The following BBS9 variants were observed in gnomAD, a reference collection of about 807,000 sequenced individuals.
The protein encoded by BBS9 is protein PTHB1.
Under a neutral mutation model 117.7 loss-of-function variants are expected in BBS9, and 89 were observed. That is an observed-to-expected ratio of 0.76 (90% CI 0.64 to 0.90). BBS9 has a LOEUF of 0.90. BBS9 is among the 40% of genes least tolerant of loss of function. The probability of loss-of-function intolerance (pLI) is 0.00; values close to 1 mark genes in which losing one functional copy is unlikely to be tolerated. For missense variants in BBS9, 982 were observed against 1,042.2 expected (o/e 0.94, Z 0.80); for synonymous variants, 379 against 370.9 (o/e 1.02, Z -0.25).
intron 10 of BBS9, among the ~76,000 whole-genome samples, chr7:33,339,847 C>T (rs562658788): frequency 1.3e-5 from 2 of 152,060 alleles, no homozygotes; most frequent in South Asian, 2.1e-4. Flanking sequence ...TGGATTTGAC[C>T]GTGGAGCCTG....
At chr7:33,462,758 A>G (rs1056785406) in intron 19 of BBS9, among the ~76,000 whole-genome samples, 3 of 152,224 alleles carry the variant, frequency 2.0e-5, no homozygotes, top group African/African-American at 7.2e-5. Context: ...ATTACTCAGA[A>G]TAAGTCAAAT....
At chr7:33,456,660 G>T (rs1838700010) in intron 19 of BBS9, among the ~76,000 whole-genome samples, 1 of 151,780 alleles carries the variant, frequency 6.6e-6, no homozygotes, top group African/African-American at 2.4e-5. Context: ...GGGTAAATAA[G>T]TGTCTCTTTC....
At position 33,574,684 on chromosome 7, in the gene BBS9, A is replaced by AACACACACACACAC. The variant is rs371229936; in HGVS notation, c.2522-30152_2522-30139dup. 5.6e-4 allele frequency among the ~76,000 whole-genome samples: 77 copies of AACACACACACACAC among 137,646 alleles called. 3 individuals are homozygous for AACACACACACACAC. The East Asian group carries it at 0.01, about 18-fold the overall frequency. 90.3% of individuals were successfully genotyped at this position (137,646 alleles called of 152,430 possible). On this transcript the variant is annotated intron_variant, in intron 21 of 22. Coordinates refer to ENST00000242067, the MANE Select transcript of BBS9 (RefSeq NM_198428.3). ...TTCAATTGTACTGGAAGTCATAGAA[A>AACACACACACACAC]ACACACACACACACACACACACACA... is the stretch of plus-strand genomic sequence containing the variant.
chr7:33,146,041 C>CA (rs1792291025), intron 1 of BBS9, among the ~76,000 whole-genome samples: 1 of 152,212 alleles, frequency 6.6e-6, no homozygotes, highest in East Asian at 1.9e-4. Context: ...TTTCTCAGCC[C>CA]AATTTACTAA....
intron 20 of BBS9, among the ~76,000 whole-genome samples, chr7:33,518,703 C>T (rs1359805039): frequency 6.6e-6 from 1 of 152,112 alleles, no homozygotes; most frequent in Non-Finnish European, 1.5e-5. Context: ...ACTGTATAGA[C>T]TCAAATTTAA....
At chr7:33,286,068 G>A (rs1312518365) in intron 9 of BBS9, among the ~76,000 whole-genome samples, 4 of 152,012 alleles carry the variant, frequency 2.6e-5, no homozygotes, top group Admixed American at 1.3e-4. Flanking sequence ...CCAAGGATAA[G>A]TAGTTGCAGT....
intron 20 of BBS9, among the ~76,000 whole-genome samples, chr7:33,510,058 A>G (rs553761413): frequency 3.9e-5 from 6 of 152,276 alleles, no homozygotes; most frequent in Non-Finnish European, 5.9e-5. Flanking sequence ...TCATGACAGA[A>G]GAACATTAAG....
intron 1 of BBS9, among the ~76,000 whole-genome samples, chr7:33,144,426 G>T (rs1792016180): frequency 2.0e-5 from 3 of 152,210 alleles, no homozygotes; most frequent in Admixed American, 1.3e-4. Context: ...ATCAGTGCTT[G>T]CGATGCTTTT....
chr7:33,410,745 T>C (rs908643829), intron 19 of BBS9, among the ~76,000 whole-genome samples: 9 of 152,178 alleles, frequency 5.9e-5, no homozygotes, highest in Non-Finnish European at 1.3e-4. Context: ...TTTGTCTGGC[T>C]GTTATATTTT....
intron 17 of BBS9, chr7:33,379,822 A>G (rs1003516253): frequency 6.7e-6 from 1 of 148,938 alleles, no homozygotes; most frequent in Non-Finnish European, 1.5e-5. Context: ...AAAGGTACAT[A>G]TACGTGAAAG....
intron 21 of BBS9, among the ~76,000 whole-genome samples, chr7:33,602,704 A>G (rs1863984110): frequency 6.6e-6 from 1 of 152,074 alleles, no homozygotes; most frequent in Non-Finnish European, 1.5e-5. Context: ...ACTCCAGCCT[A>G]GGCAACAAGA....
chr7:33,567,129 A>T (rs532430244), intron 21 of BBS9, among the ~76,000 whole-genome samples: 1 of 152,338 alleles, frequency 6.6e-6, no homozygotes, highest in Non-Finnish European at 1.5e-5. Context: ...AATCAAGTCC[A>T]GACTGTTCTC....
intron 19 of BBS9, among the ~76,000 whole-genome samples, chr7:33,434,217 A>G (rs1047915290): frequency 6.6e-6 from 1 of 151,408 alleles, no homozygotes; most frequent in African/African-American, 2.4e-5. Context: ...CCTTTAAAAA[A>G]CTCTTGATAC....
chr7:33,513,011 A>G (rs1366983529), intron 20 of BBS9, among the ~76,000 whole-genome samples: 1 of 152,052 alleles, frequency 6.6e-6, no homozygotes, highest in Non-Finnish European at 1.5e-5. Flanking sequence ...CTGTGTACAT[A>G]CTTTACATGG....
chr7:33,491,699 G>A (rs541841305), intron 19 of BBS9, among the ~76,000 whole-genome samples: 2 of 151,990 alleles, frequency 1.3e-5, no homozygotes, highest in African/African-American at 4.8e-5. Flanking sequence ...TAATAGAAGG[G>A]GACACACAGG....
intron 21 of BBS9, among the ~76,000 whole-genome samples, chr7:33,563,725 GGTCACTGTA>G (rs1486555538): frequency 6.6e-6 from 1 of 152,148 alleles, no homozygotes; most frequent in East Asian, 1.9e-4. Context: ...GCACGTATGG[GGTCACTGTA>G]GCTGCAATGT....
At chr7:33,247,832 G>A (rs144550097) in intron 5 of BBS9, among the ~76,000 whole-genome samples, 3 of 152,136 alleles carry the variant, frequency 2.0e-5, no homozygotes, top group African/African-American at 7.2e-5. Context: ...ATATTTTGTG[G>A]ATGCAAGCAA....
intron 19 of BBS9, among the ~76,000 whole-genome samples, chr7:33,417,050 A>G (rs1039453730): frequency 6.6e-6 from 1 of 152,204 alleles, no homozygotes; most frequent in Non-Finnish European, 1.5e-5. Flanking sequence ...TTTCCAGTCT[A>G]GTTAGGAAGA....
chr7:33,327,636 G>C (rs1050151096), intron 9 of BBS9, among the ~76,000 whole-genome samples: 1 of 152,184 alleles, frequency 6.6e-6, no homozygotes, highest in Non-Finnish European at 1.5e-5. Context: ...TTGAGTTACA[G>C]TGAGCCATTA....
Sources: allele counts gnomAD v4.1 joint callset (sites outside exome capture counted in the v4.1 genomes callset), GRCh38; gene constraint gnomAD v4.1.1; transcripts MANE v1.5; gene names NCBI Gene and HGNC (gene_info 2026-07-23, HGNC 2026-07-21).